LFNG: variants seen among roughly 807,000 people sequenced by gnomAD.
LFNG encodes the protein LFNG O-fucosylpeptide 3-beta-N-acetylglucosaminyltransferase.
In LFNG, 15 loss-of-function variants were observed where a neutral mutation model predicts 32.7. That is an observed-to-expected ratio of 0.46 (90% CI 0.31 to 0.71). The LOEUF (loss-of-function observed/expected upper bound fraction) is 0.71, where lower values mean the gene tolerates loss of function less well. Among genes scored for constraint, LFNG ranks in the 30% least tolerant of loss-of-function variants. The probability of loss-of-function intolerance (pLI) is 0.06; values close to 1 mark genes in which losing one functional copy is unlikely to be tolerated. For synonymous variants in LFNG, 274 were observed against 246.8 expected, an observed-to-expected ratio of 1.11 and a Z score of -1.03; for missense variants, 520 against 545.7, an observed-to-expected ratio of 0.95 and a Z score of 0.47.
At chr7:2,521,239 C>A (rs1435523176) in intron 1 of LFNG, among the ~76,000 whole-genome samples, 1 of 152,154 alleles carries the variant, frequency 6.6e-6, no homozygotes, top group Non-Finnish European at 1.5e-5. Flanking sequence ...GGGCAGGGTC[C>A]TCCCTGGTCC....
chr7:2,519,887 TG>T lies in LFNG; in HGVS notation c.27del (p.Leu10CysfsTer135). 1 of 1,103,364 alleles carries T rather than the reference TG, an allele frequency of 9.1e-7. No homozygotes were observed. Among genetic ancestry groups the T allele is most frequent in the Non-Finnish European group, 1.1e-6 (1 of 901,540 alleles). The allele number at this position is 1,103,364 out of a possible 1,614,324, so 68.3% of individuals were successfully genotyped here. MLKRCGRR[L>X]LLALAGALLA... ...ATGCTCAAGCGCTGCGGCCGGCGCC[TG>T]CTGCTGGCGCTGGCGGGCGCGCTGC... On this transcript the variant is annotated frameshift_variant, in exon 1 of 8. Transcript: ENST00000222725. LOFTEE classifies it high-confidence loss of function.
rs1583278970 is a variant in LFNG, at chr7:2,527,325, C to T, written c.*113C>T. ...AGGCTCCCCTAGGGCCGTGCCTGTG[C>T]GTGTGCGTGTGCGTGTGTGTGTGTG... is the stretch of plus-strand genomic sequence containing the variant. On this transcript the variant is annotated 3_prime_UTR_variant, in exon 8 of 8. Coordinates refer to ENST00000222725, the MANE Select transcript of LFNG (RefSeq NM_001040167.2). This position sits in a 1 kb window ranked among gnomAD's most constrained non-coding sequence, Gnocchi z 4.4. 32 of 1,518,940 alleles carry T rather than the reference C, an allele frequency of 2.1e-5. No homozygotes were observed. The highest frequency in any genetic ancestry group is 2.6e-5 in the Non-Finnish European group (30 of 1,138,144). 94.1% of individuals were successfully genotyped at this position (1,518,940 alleles called of 1,614,324 possible). A position where few individuals can be genotyped will look rare whatever the true frequency, so the allele number is the denominator to read the frequency against.
intron 5 of LFNG, 119 bp downstream of exon 5, chr7:2,525,889 C>G: frequency 1.1e-6 from 1 of 884,076 alleles, no homozygotes; most frequent in Non-Finnish European, 1.8e-6. Context: ...GCACTGCCCA[C>G]TTACTTCCTA....
chr7:2,520,260 G>C lies in LFNG; in HGVS notation c.399G>C (p.Leu133=). The change falls in exon 1 of 8, where the codon CTG becomes CTC. Residue 133 remains leucine (L), a synonymous_variant. Transcript: ENST00000222725. The surrounding 1 kb of genome is among the most constrained non-coding windows in gnomAD (Gnocchi z 5.0). ...TCCACCGCGCGCGCCTCGACCTGCT[G>C]CTGGAGACCTGGATCTCGCGCCACA... The part of the protein sequence containing the change: ...KKFHRARLDL[L]LETWISRHKE... The C allele has an allele frequency of 6.2e-7, 1 of 1,610,400 alleles. No individual in the cohort carries two copies. Among genetic ancestry groups the C allele is most frequent in the South Asian group, 1.1e-5 (1 of 91,002 alleles).
upstream of LFNG, chr7:2,517,639 A>C (rs1779660297): frequency 2.2e-6 from 1 of 453,194 alleles, no homozygotes; most frequent in Non-Finnish European, 4.4e-6. Flanking sequence ...AGATGGACTC[A>C]CAGCATCTTG....
intron 1 of LFNG, chr7:2,523,504 G>C (rs559293757): frequency 6.6e-6 from 1 of 152,490 alleles, no homozygotes; most frequent in African/African-American, 2.4e-5. Flanking sequence ...CTTGGTCAGA[G>C]CATTGCCCGT....
Position 2,520,115 on chromosome 7 carries a change from G to T in LFNG, c.254G>T (p.Arg85Leu). The change falls in exon 1 of 8, where the codon CGC becomes CTC. Residue 85 changes from arginine to leucine, a missense_variant. Coordinates refer to ENST00000222725, the MANE Select transcript of LFNG (RefSeq NM_001040167.2). This position sits in a 1 kb window ranked among gnomAD's most constrained non-coding sequence, Gnocchi z 5.0. The part of the protein sequence containing the change: ...SEYFSLLTRA[R>L]RDAGPPPGAA... Reference sequence around the variant, plus strand: ...TACTTCAGCCTGCTCACCCGCGCGCGCAGAGATGCGGGCCCGCCGCCCGGG... The same window carrying T: ...TACTTCAGCCTGCTCACCCGCGCGCTCAGAGATGCGGGCCCGCCGCCCGGG... The T allele has an allele frequency of 3.0e-6, 4 of 1,350,362 alleles. 1 individual carries two copies. In the South Asian group the frequency reaches 5.4e-5, roughly 18 times the overall value. 83.6% of individuals were successfully genotyped at this position (1,350,362 alleles called of 1,614,324 possible).
At chr7:2,513,911 T>A (rs902911375), upstream of LFNG, among the ~76,000 whole-genome samples, 17 of 152,358 alleles carry the variant, frequency 1.1e-4, no homozygotes, top group Admixed American at 2.6e-4. Context: ...AGCCCAGGCC[T>A]GCCGTCCTCC....
upstream of LFNG, among the ~76,000 whole-genome samples, chr7:2,516,574 C>G (rs1439897031): frequency 6.6e-6 from 1 of 152,226 alleles, no homozygotes; most frequent in East Asian, 1.9e-4. Flanking sequence ...CAGATGGGGA[C>G]AGAACACTGT....
Position 2,527,886 on chromosome 7 carries a change from G to C in LFNG, c.*674G>C. 1.0e-6 allele frequency: 1 copy of C among 991,114 alleles called. No individual in the cohort carries two copies. The highest frequency in any genetic ancestry group is 1.2e-6 in the Non-Finnish European group (1 of 832,920). 61.4% of individuals were successfully genotyped at this position (991,114 alleles called of 1,614,324 possible). On this transcript the variant is annotated 3_prime_UTR_variant, in exon 8 of 8. Coordinates refer to ENST00000222725, the MANE Select transcript of LFNG (RefSeq NM_001040167.2). This position sits in a 1 kb window ranked among gnomAD's most constrained non-coding sequence, Gnocchi z 4.4. ...GGGGAGTCTTCCAGGCCTCCTCAGA[G>C]GTCTTCCCTTTGCCTCCCCAGGACA...
chr7:2,516,410 G>A (rs1779629377), upstream of LFNG, among the ~76,000 whole-genome samples: 1 of 152,256 alleles, frequency 6.6e-6, no homozygotes, highest in Admixed American at 6.5e-5. Context: ...GGGGAGGGAA[G>A]GCAGATGGCC....
chr7:2,525,305 G>A lies in LFNG; in HGVS notation c.568G>A (p.Glu190Lys), dbSNP rs754856285. Reference sequence around the variant, plus strand: ...GGCCGTGGAGTATGACCGCTTCATCGAGTCCGGCAGGAAGTGAGTGTGGCC... The same window carrying A: ...GGCCGTGGAGTATGACCGCTTCATCAAGTCCGGCAGGAAGTGAGTGTGGCC... ...KMAVEYDRFI[E>K]SGRKWFCHVD... The change falls in exon 3 of 8, where the codon GAG becomes AAG. Residue 190 changes from glutamate (E) to lysine (K), a missense_variant. Physicochemically the swap from Glu to Lys is moderately conservative, Grantham distance 56 (BLOSUM62 1). Transcript: ENST00000222725. The A allele has an allele frequency of 1.4e-5, 22 of 1,612,868 alleles. No individual in the cohort carries two copies. In the Admixed American group the frequency reaches 1.7e-4, roughly 12 times the overall value.
chr7:2,517,632 T>C (rs755179), upstream of LFNG: 209,377 of 450,394 alleles, frequency 0.46, 49,985 homozygotes, highest in Non-Finnish European at 0.5. Flanking sequence ...TGTGGGGAGA[T>C]GGACTCACAG....
In LFNG at chr7:2,526,854, A is replaced by G; in HGVS notation, c.1006A>G (p.Met336Val). The part of the protein sequence containing the change: ...LHEQVTLSYG[M>V]FENKRNAVHV... The stretch of plus-strand genomic sequence containing the variant: ...CCCACAGGTGACGCTGAGCTACGGT[A>G]TGTTTGAAAACAAGCGGAACGCCGT... Residue 336 changes from methionine (M) to valine (V), a missense_variant, in exon 7 of 8, where the codon ATG becomes GTG. By Grantham distance (21) the Met-to-Val change is conservative. This residue lies in a region of LFNG where 150 missense variants were observed against 159.9 expected (regional missense o/e 0.94). Coordinates refer to ENST00000222725, the MANE Select transcript of LFNG (RefSeq NM_001040167.2). This position sits in a 1 kb window ranked among gnomAD's most constrained non-coding sequence, Gnocchi z 6.9. 6.2e-7 allele frequency: 1 copy of G among 1,610,586 alleles called. No individual in the cohort carries two copies. Among genetic ancestry groups the G allele is most frequent in the African/African-American group, 1.3e-5 (1 of 74,156 alleles).
upstream of LFNG, among the ~76,000 whole-genome samples, chr7:2,517,007 C>T (rs369900121): frequency 7.0e-4 from 107 of 152,196 alleles, no homozygotes; most frequent in African/African-American, 2.1e-3. Flanking sequence ...ACTGGCAACT[C>T]GGTCAGCCCT....
rs1779758978 is a variant in LFNG at position 2,520,427 on chromosome 7, GT to G, written c.432+135del. 1 of 729,428 alleles carries G rather than the reference GT, an allele frequency of 1.4e-6. No homozygotes were observed. Among genetic ancestry groups the G allele is most frequent in the African/African-American group, 1.9e-5 (1 of 53,682 alleles). The allele number at this position is 729,428 out of a possible 1,614,324, so 45.2% of individuals were successfully genotyped here. ...CTAGGGCCATCTGTGGGCGACGCCA[GT>G]GCACCCCGGTGCACCCAGTTTGCCT... On this transcript the variant is annotated intron_variant, in intron 1 of 7. Transcript: ENST00000222725. The surrounding 1 kb of genome is among the most constrained non-coding windows in gnomAD (Gnocchi z 5.0).
upstream of LFNG, among the ~76,000 whole-genome samples, chr7:2,515,446 G>T (rs925949811): frequency 1.3e-5 from 2 of 152,214 alleles, no homozygotes; most frequent in Admixed American, 6.5e-5. Context: ...AGCAGAGGGG[G>T]ATGGGGAGGA....
downstream of LFNG, chr7:2,528,458 TG>T: frequency 1.0e-6 from 1 of 992,972 alleles, no homozygotes; most frequent in South Asian, 4.5e-5. Flanking sequence ...TGGCTGGAGG[TG>T]GGGCCTAAGC....
chr7:2,520,070 A>G lies in LFNG; in HGVS notation c.209A>G (p.Asp70Gly), dbSNP rs1157663214. The G allele has an allele frequency of 5.7e-6, 7 of 1,231,300 alleles. No homozygotes were observed. In the South Asian group the frequency reaches 1.5e-4, roughly 27 times the overall value. 76.3% of individuals were successfully genotyped at this position (1,231,300 alleles called of 1,614,324 possible). ...AAAAPGALVR[D>G]VHSLSEYFSL... is the part of the protein sequence containing the mutation. ...GCGGCGCCCGGGGCGCTGGTCCGCG[A>G]CGTGCACAGTCTGTCCGAGTACTTC... The change falls in exon 1 of 8, where the codon GAC (aspartate) becomes GGC (glycine). Residue 70 changes from aspartate to glycine, a missense_variant. Asp to Gly is a moderately conservative substitution (Grantham distance 94). Transcript: ENST00000222725. The surrounding 1 kb of genome is among the most constrained non-coding windows in gnomAD (Gnocchi z 5.0).
Sources: gnomAD v4.1 joint callset for allele counts (sites outside exome capture counted in the v4.1 genomes callset) on GRCh38, gnomAD v4.1.1 for gene constraint, gnomAD v4.1.1 regional missense constraint, Gnocchi (gnomAD v3.1) non-coding constraint, MANE v1.5 for transcripts, NCBI Gene and HGNC (gene_info 2026-07-23, HGNC 2026-07-21) for gene names.